RAD51AP2: variants seen among roughly 807,000 people sequenced by gnomAD.
The protein encoded by RAD51AP2 is RAD51 associated protein 2, also known as RAD51-associated protein 2.
In RAD51AP2, 67 loss-of-function variants were observed where a neutral mutation model predicts 85.5. The ratio of observed to expected loss-of-function variants is 0.78; its 90% CI spans 0.64 to 0.96. The LOEUF is 0.96. Ranked by LOEUF, RAD51AP2 falls within the 40% of genes least tolerant of loss-of-function variation. The pLI, the probability that RAD51AP2 is intolerant of heterozygous loss-of-function variation, is 0.00. For synonymous variants in RAD51AP2, 474 were observed against 446.5 expected, an observed-to-expected ratio of 1.06 and a Z score of -0.78; for missense variants, 1,307 against 1,332.4, an observed-to-expected ratio of 0.98 and a Z score of 0.30.
intron 1 of RAD51AP2, among the ~76,000 whole-genome samples, chr2:17,514,536 C>CG (rs35741699): frequency 0.39 from 58,414 of 149,252 alleles, 12,742 homozygotes; most frequent in Middle Eastern, 0.61. Context: ...CCGAGGGCGG[C>CG]GGGGGGGGTG....
At chr2:17,537,027 AG>A in the RAD51AP2 span, among the ~76,000 whole-genome samples, 1 of 152,244 alleles carries the variant, frequency 6.6e-6, no homozygotes, top group African/African-American at 2.4e-5. Context: ...AGATTTAAAA[AG>A]TCAGAATAGG....
chr2:17,531,420 C>T, the RAD51AP2 span, among the ~76,000 whole-genome samples: 1 of 152,080 alleles, frequency 6.6e-6, no homozygotes, highest in East Asian at 1.9e-4. Flanking sequence ...TAATACTGTA[C>T]TACAATCTAC....
At chr2:17,536,050 G>T in the RAD51AP2 span, among the ~76,000 whole-genome samples, 2 of 149,658 alleles carry the variant, frequency 1.3e-5, no homozygotes, top group Non-Finnish European at 3.0e-5. Flanking sequence ...TGTTTTAGTT[G>T]GTTGTCTCTG....
chr2:17,526,587 G>A, the RAD51AP2 span, among the ~76,000 whole-genome samples: 85 of 152,150 alleles, frequency 5.6e-4, no homozygotes, highest in African/African-American at 2.0e-3. Context: ...GTACTAATAC[G>A]AGGTCAAACT....
chr2:17,533,193 C>T, the RAD51AP2 span, among the ~76,000 whole-genome samples: 4 of 152,208 alleles, frequency 2.6e-5, no homozygotes, highest in Admixed American at 6.5e-5. Context: ...ATATTTCTAG[C>T]ACAGACTTCC....
the RAD51AP2 span, among the ~76,000 whole-genome samples, chr2:17,524,237 T>C: frequency 6.6e-6 from 1 of 151,994 alleles, no homozygotes; most frequent in African/African-American, 2.4e-5. Context: ...TTTTGTTGTT[T>C]TGTTGTTCAG....
At chr2:17,514,217 T>G in intron 1 of RAD51AP2, 125 bp from the exon 2 acceptor site, 1 of 738,076 alleles carries the variant, frequency 1.4e-6, no homozygotes, top group Non-Finnish European at 2.3e-6. Context: ...AAAAATGAAG[T>G]AGGACTCTTC....
chr2:17,518,505 C>G, upstream of RAD51AP2: 15 of 1,488,166 alleles, frequency 1.0e-5, no homozygotes, highest in Non-Finnish European at 1.2e-5. Flanking sequence ...CGCCCCTGAC[C>G]CGCCCCTCAA....
the RAD51AP2 span, among the ~76,000 whole-genome samples, chr2:17,527,003 T>G: frequency 6.6e-6 from 1 of 152,206 alleles, no homozygotes; most frequent in Non-Finnish European, 1.5e-5. Flanking sequence ...GAATGAACAC[T>G]ATAAACTTGT....
the RAD51AP2 span, among the ~76,000 whole-genome samples, chr2:17,534,624 A>G: frequency 3.3e-5 from 5 of 152,038 alleles, no homozygotes; most frequent in African/African-American, 1.2e-4. Flanking sequence ...TCACCTATGA[A>G]ATGGGGGTAA....
At chr2:17,519,415 T>G (rs1386738847), upstream of RAD51AP2, among the ~76,000 whole-genome samples, 1 of 152,124 alleles carries the variant, frequency 6.6e-6, no homozygotes, top group African/African-American at 2.4e-5. Context: ...TGGTGCTCAG[T>G]AATAAACACC....
chr2:17,533,958 C>T, the RAD51AP2 span, among the ~76,000 whole-genome samples: 1 of 152,128 alleles, frequency 6.6e-6, no homozygotes, highest in Non-Finnish European at 1.5e-5. Flanking sequence ...ACAAACCAGT[C>T]TGAAATGACA....
chr2:17,520,753 TTC>T (rs1491167115), upstream of RAD51AP2, among the ~76,000 whole-genome samples: 4 of 27,404 alleles, frequency 1.5e-4, no homozygotes, highest in East Asian at 1.3e-3. Flanking sequence ...CTCTTTCAGC[TTC>T]TTTTTTTTTT....
chr2:17,513,237 C>CT (rs11394351), intron 2 of RAD51AP2, among the ~76,000 whole-genome samples: 56,181 of 111,176 alleles, frequency 0.51, 17,432 homozygotes, highest in East Asian at 0.87. Context: ...TTAGTGTGTG[C>CT]TTTTTTTTTT....
At chr2:17,519,201 A>G (rs1356427899), upstream of RAD51AP2, among the ~76,000 whole-genome samples, 1 of 151,984 alleles carries the variant, frequency 6.6e-6, no homozygotes, top group Admixed American at 6.6e-5. Flanking sequence ...TACCCCATTT[A>G]GTGTAAACAT....
chr2:17,536,344 A>T, the RAD51AP2 span, among the ~76,000 whole-genome samples: 2 of 152,228 alleles, frequency 1.3e-5, no homozygotes, highest in Admixed American at 6.5e-5. Flanking sequence ...ACACCTACAA[A>T]GTCATGAATG....
upstream of RAD51AP2, among the ~76,000 whole-genome samples, chr2:17,522,524 C>T (rs573496404): frequency 5.5e-4 from 84 of 151,928 alleles, no homozygotes; most frequent in African/African-American, 2.0e-3. Context: ...TAACCTTTTT[C>T]CTGAGCTCTA....
rs919392709 is a variant in RAD51AP2, at chr2:17,515,688, C to T, written c.2728G>A (p.Glu910Lys). The part of the protein sequence containing the change: ...NEYESILPER[E>K]IANSKDFHRK... ...TGAAAATCCTTTGAATTAGCTATCT[C>T]CCTTTCTGGCAAAATACTCTCATAT... The change falls in exon 1 of 3, where the codon GAG becomes AAG. Residue 910 changes from glutamate to lysine, a missense_variant. By Grantham distance (56) the Glu-to-Lys change is moderately conservative. Transcript: ENST00000399080. The T allele has an allele frequency of 1.9e-6, 3 of 1,609,532 alleles. No homozygotes were observed. The highest frequency in any genetic ancestry group is 1.7e-4 in the Middle Eastern group (1 of 6,036).
chr2:17,524,128 G>C, the RAD51AP2 span, among the ~76,000 whole-genome samples: 1 of 151,994 alleles, frequency 6.6e-6, no homozygotes, highest in South Asian at 2.1e-4. Context: ...CTTTGTCCTA[G>C]CTATTTTTCA....
Sources: allele counts gnomAD v4.1 joint callset (sites outside exome capture counted in the v4.1 genomes callset), GRCh38; gene constraint gnomAD v4.1.1; transcripts MANE v1.5; gene names NCBI Gene and HGNC (gene_info 2026-07-23, HGNC 2026-07-21).